The following DNAH7 variants were observed in gnomAD, a reference collection of about 807,000 sequenced individuals.
DNAH7 encodes dynein axonemal heavy chain 7.
Under a neutral mutation model 444.6 loss-of-function variants are expected in DNAH7, and 397 were observed. That is an observed-to-expected ratio of 0.89 (90% CI 0.82 to 0.97). The LOEUF is 0.97. Ranked by LOEUF, DNAH7 falls within the 50% of genes least tolerant of loss-of-function variation. DNAH7 has a pLI of 0.00. For missense variants in DNAH7, 4,902 were observed against 4,800.8 expected (o/e 1.02, Z -0.62); for synonymous variants, 1,636 against 1,624.4 (o/e 1.01, Z -0.17).
At chr2:196,017,845 TA>T (rs1428444598) in intron 9 of DNAH7, among the ~76,000 whole-genome samples, 1 of 152,224 alleles carries the variant, frequency 6.6e-6, no homozygotes, top group East Asian at 1.9e-4. Context: ...AAAAAAATTT[TA>T]CTAGTTAGCC....
At position 195,987,870 on chromosome 2, in the gene DNAH7, T is replaced by TA. The variant is rs552959695; in HGVS notation, c.1626+86dup. On this transcript the variant is annotated intron_variant, in intron 13 of 64. Transcript: ENST00000312428. ...TTCCTGTTGATGATAATGTTCTAAT[T>TA]ATCTGTGTTCTAAAAATACATCCTA... The TA allele has an allele frequency of 3.1e-4, 397 of 1,264,212 alleles. 6 individuals carry two copies. The East Asian group carries it at 9.2e-3, about 29-fold the overall frequency. The allele number at this position is 1,264,212 out of a possible 1,614,324, so 78.3% of individuals were successfully genotyped here.
intron 15 of DNAH7, among the ~76,000 whole-genome samples, chr2:195,974,334 T>C (rs1167305677): frequency 1.3e-5 from 2 of 152,232 alleles, no homozygotes; most frequent in African/African-American, 4.8e-5. Context: ...GTCAAATGAC[T>C]GGGATTTTTA....
intron 12 of DNAH7, among the ~76,000 whole-genome samples, chr2:195,991,455 A>C (rs1426332025): frequency 6.6e-6 from 1 of 152,240 alleles, no homozygotes; most frequent in East Asian, 1.9e-4. Context: ...CAAAAGTGAA[A>C]ACAAGAACCA....
chr2:195,932,216 T>G (rs1382256069), intron 21 of DNAH7, among the ~76,000 whole-genome samples: 1 of 152,190 alleles, frequency 6.6e-6, no homozygotes, highest in African/African-American at 2.4e-5. Flanking sequence ...ATGATTTGGC[T>G]CTCTGTCTGT....
At chr2:195,879,242 G>A (rs1366342700) in intron 36 of DNAH7, among the ~76,000 whole-genome samples, 2 of 152,088 alleles carry the variant, frequency 1.3e-5, no homozygotes, top group Admixed American at 6.5e-5. Context: ...GCAGCGACAC[G>A]CTGAGTCTAA....
rs1486834011 is a variant in DNAH7, at chr2:196,000,757, T to C, written c.1300A>G (p.Ile434Val). The C allele has an allele frequency of 6.3e-7, 1 of 1,595,974 alleles. No homozygotes were observed. The highest frequency in any genetic ancestry group is 8.5e-7 in the Non-Finnish European group (1 of 1,170,716). Residue 434 changes from isoleucine to valine, a missense_variant, in exon 12 of 65, where the codon ATT (isoleucine) becomes GTT (valine). Ile to Val is a conservative substitution (Grantham distance 29, BLOSUM62 3). Coordinates refer to ENST00000312428, the MANE Select transcript of DNAH7 (RefSeq NM_018897.3). ...DIFLNVYDVM[I>V]KAVSFVPRVE... ...CTTGGCACAAAACTGACAGCTTTAA[T>C]CATGACGTCATAAACATTTAGAAAG... is the stretch of plus-strand genomic sequence containing the variant.
chr2:195,802,746 T>C (rs563986022), intron 54 of DNAH7, among the ~76,000 whole-genome samples: 1 of 152,200 alleles, frequency 6.6e-6, no homozygotes, highest in Non-Finnish European at 1.5e-5. Context: ...CAAGTGCAAT[T>C]TTTTACATGC....
intron 62 of DNAH7, 149 bp downstream of exon 62, chr2:195,755,984 C>T (rs1694050344): frequency 1.4e-6 from 1 of 736,662 alleles, no homozygotes; most frequent in Non-Finnish European, 2.1e-6. Context: ...GTAGCAGTTA[C>T]ATACATTATA....
intron 47 of DNAH7, among the ~76,000 whole-genome samples, chr2:195,834,718 C>T (rs981757572): frequency 9.2e-5 from 14 of 152,240 alleles, no homozygotes; most frequent in Admixed American, 9.2e-4. Context: ...CAGTTCTTCA[C>T]TAAGCCCTCC....
intron 19 of DNAH7, among the ~76,000 whole-genome samples, chr2:195,952,176 T>C (rs1179285154): frequency 6.6e-6 from 1 of 152,204 alleles, no homozygotes; most frequent in African/African-American, 2.4e-5. Flanking sequence ...ATTTTATTTA[T>C]CCTTCACTTA....
At chr2:195,879,589 C>T (rs1456753266) in intron 36 of DNAH7, among the ~76,000 whole-genome samples, 9 of 152,016 alleles carry the variant, frequency 5.9e-5, no homozygotes, top group African/African-American at 1.2e-4. Context: ...ATAATACTAC[C>T]GCAGATAAAA....
Position 195,777,797 on chromosome 2 carries a change from T to A in DNAH7, c.11064+3A>T. 1.2e-6 allele frequency: 2 copies of A among 1,607,326 alleles called. No homozygotes were observed. The highest frequency in any genetic ancestry group is 1.7e-6 in the Non-Finnish European group (2 of 1,174,708). On this transcript the variant is annotated splice_donor_region_variant and intron_variant, in intron 59 of 64. Transcript: ENST00000312428. ...TTTTAGTTTTTTTGAAGGGCATACT[T>A]ACATCACCAGAAGGAGGAACAAAAT...
chr2:195,882,397 T>C (rs539133692), intron 35 of DNAH7, among the ~76,000 whole-genome samples: 1 of 152,348 alleles, frequency 6.6e-6, no homozygotes, highest in Non-Finnish European at 1.5e-5. Flanking sequence ...AGCTGCATAT[T>C]GCTTGACTTT....
intron 17 of DNAH7, among the ~76,000 whole-genome samples, chr2:195,963,432 T>C (rs1339449359): frequency 6.6e-6 from 1 of 152,108 alleles, no homozygotes; most frequent in Non-Finnish European, 1.5e-5. Flanking sequence ...TCTCTTCACA[T>C]CTTTTGCCCA....
intron 48 of DNAH7, among the ~76,000 whole-genome samples, chr2:195,832,753 T>C (rs1001530395): frequency 1.3e-5 from 2 of 152,172 alleles, no homozygotes; most frequent in Non-Finnish European, 2.9e-5. Flanking sequence ...ACTTAAAGTA[T>C]TTAAGGTGCC....
intron 63 of DNAH7, among the ~76,000 whole-genome samples, chr2:195,743,379 T>G (rs1693168933): frequency 6.6e-6 from 1 of 152,192 alleles, no homozygotes; most frequent in Non-Finnish European, 1.5e-5. Context: ...TCCTATTAGT[T>G]CTGTCCCTCT....
Position 196,032,461 on chromosome 2 carries a change from A to T in DNAH7, c.399-4414T>A, listed in dbSNP as rs80061393. ...TATCAGGGTTGGCAGATACCAAAGGAGAGAATGAGTAGGAAGGCTGAAAAC... is the reference window on the plus strand; with the variant it reads ...TATCAGGGTTGGCAGATACCAAAGGTGAGAATGAGTAGGAAGGCTGAAAAC... On this transcript the variant is annotated intron_variant, in intron 5 of 64. Transcript: ENST00000312428. Among the ~76,000 whole-genome samples, 607 of 152,326 alleles carry T rather than the reference A, an allele frequency of 4.0e-3. 1 individual carries two copies. Among genetic ancestry groups the T allele is most frequent in the African/African-American group, 0.013 (561 of 41,572 alleles).
chr2:196,032,734 T>C (rs1032945630), intron 5 of DNAH7, among the ~76,000 whole-genome samples: 4 of 152,078 alleles, frequency 2.6e-5, no homozygotes, highest in Admixed American at 6.5e-5. Context: ...TTTCAGAAAA[T>C]AGAAGAGGTA....
intron 23 of DNAH7, among the ~76,000 whole-genome samples, chr2:195,922,804 C>G (rs1339258640): frequency 1.3e-5 from 2 of 152,184 alleles, no homozygotes; most frequent in Non-Finnish European, 2.9e-5. Context: ...CCATCACCAT[C>G]CACCTGGATG....
Sources: gnomAD v4.1 joint callset for allele counts (sites outside exome capture counted in the v4.1 genomes callset) on GRCh38, gnomAD v4.1.1 for gene constraint, MANE v1.5 for transcripts, NCBI Gene and HGNC (gene_info 2026-07-23, HGNC 2026-07-21) for gene names.